SNX30: variants seen among roughly 807,000 people sequenced by gnomAD.
SNX30 encodes sorting nexin-30.
SNX30 carries 24 observed loss-of-function variants against 46.4 expected under a neutral mutation model. The ratio of observed to expected loss-of-function variants is 0.52; its 90% CI spans 0.37 to 0.73. The LOEUF (loss-of-function observed/expected upper bound fraction) is 0.73. Ranked by LOEUF, SNX30 falls within the 30% of genes least tolerant of loss-of-function variation. The pLI is 0.00. For synonymous variants in SNX30, 189 were observed against 211.5 expected (o/e 0.89, Z 0.92); for missense variants, 533 against 555.7 (o/e 0.96, Z 0.41).
chr9:112,832,562 A>G (rs1840681542), intron 4 of SNX30, among the ~76,000 whole-genome samples: 1 of 142,772 alleles, frequency 7.0e-6, no homozygotes, highest in African/African-American at 2.6e-5. Flanking sequence ...CTTAAAAAAT[A>G]TAAGGTCCTT....
At chr9:112,877,852 G>A (rs1243931873), downstream of SNX30, 3 of 152,060 alleles carry the variant, frequency 2.0e-5, no homozygotes, top group Non-Finnish European at 4.4e-5. Context: ...TGAGTAGCTG[G>A]GATTATAGGT....
At chr9:112,862,618 C>T in intron 7 of SNX30, among the ~76,000 whole-genome samples, 1 of 152,140 alleles carries the variant, frequency 6.6e-6, no homozygotes, top group Non-Finnish European at 1.5e-5. Context: ...AAGTCAGTCT[C>T]TGACCTGGTA....
intron 7 of SNX30, among the ~76,000 whole-genome samples, chr9:112,851,609 T>C (rs769184765): frequency 2.9e-4 from 44 of 152,230 alleles, no homozygotes; most frequent in Non-Finnish European, 4.9e-4. Flanking sequence ...ACCTGCTGCC[T>C]AGACAGAGCT....
At chr9:112,768,649 T>TCTTC (rs57756894) in intron 1 of SNX30, among the ~76,000 whole-genome samples, 7,619 of 93,762 alleles carry the variant, frequency 0.081, 1,311 homozygotes, top group Non-Finnish European at 0.1. Context: ...TCTTTCTTCT[T>TCTTC]TTTTTTTTTT....
At chr9:112,793,786 T>A (rs1840062441) in intron 1 of SNX30, among the ~76,000 whole-genome samples, 1 of 150,976 alleles carries the variant, frequency 6.6e-6, no homozygotes. Context: ...CTTGTTCTTT[T>A]TACCTCCACT....
At chr9:112,767,038 A>G (rs1839550029) in intron 1 of SNX30, among the ~76,000 whole-genome samples, 1 of 152,042 alleles carries the variant, frequency 6.6e-6, no homozygotes, top group Admixed American at 6.6e-5. Context: ...ACTGTTTTCC[A>G]AAGCAGTTGC....
chr9:112,805,076 C>A, intron 2 of SNX30, 109 bp downstream of exon 2: 2 of 676,884 alleles, frequency 3.0e-6, no homozygotes, highest in South Asian at 4.0e-5. Context: ...CTCTGTTCAC[C>A]TTGATTGCAA....
intron 6 of SNX30, among the ~76,000 whole-genome samples, chr9:112,847,283 T>C (rs1840953400): frequency 6.6e-6 from 1 of 152,190 alleles, no homozygotes; most frequent in African/African-American, 2.4e-5. Context: ...GTCCCGCGCA[T>C]ATCCCAGCCA....
At chr9:112,791,398 A>ATT (rs1564270543) in intron 1 of SNX30, among the ~76,000 whole-genome samples, 2 of 39,888 alleles carry the variant, frequency 5.0e-5, no homozygotes, top group East Asian at 8.2e-4. Flanking sequence ...ATATTTAGGA[A>ATT]CTTTTTTTTT....
chr9:112,849,685 A>G (rs1382833060), intron 6 of SNX30, among the ~76,000 whole-genome samples: 1 of 152,212 alleles, frequency 6.6e-6, no homozygotes, highest in Non-Finnish European at 1.5e-5. Flanking sequence ...TTCCATTAGA[A>G]GGTTGAACCC....
chr9:112,788,153 A>G (rs1271735903), intron 1 of SNX30, among the ~76,000 whole-genome samples: 2 of 151,914 alleles, frequency 1.3e-5, no homozygotes, highest in African/African-American at 2.4e-5. Context: ...GGCACCTGCT[A>G]TTGGAAGTTG....
intron 3 of SNX30, among the ~76,000 whole-genome samples, chr9:112,827,937 A>C (rs1369773031): frequency 6.6e-6 from 1 of 152,222 alleles, no homozygotes; most frequent in Non-Finnish European, 1.5e-5. Flanking sequence ...TTTTCTAAAG[A>C]GGCTGCATCT....
At chr9:112,831,938 G>A (rs1055062956) in intron 4 of SNX30, among the ~76,000 whole-genome samples, 7 of 152,188 alleles carry the variant, frequency 4.6e-5, no homozygotes, top group African/African-American at 1.7e-4. Flanking sequence ...CAGGCCATAT[G>A]TAACATGTTC....
At chr9:112,804,689 T>C in intron 1 of SNX30, 87 bp from the exon 2 acceptor site, 3 of 1,222,032 alleles carry the variant, frequency 2.5e-6, no homozygotes, top group Non-Finnish European at 3.4e-6. Flanking sequence ...TTTAGAAATG[T>C]TTATTGGTTT....
At chr9:112,827,075 C>A (rs894646041) in intron 3 of SNX30, among the ~76,000 whole-genome samples, 1 of 152,176 alleles carries the variant, frequency 6.6e-6, no homozygotes, top group Non-Finnish European at 1.5e-5. Flanking sequence ...TTTTGGAACT[C>A]CTGCTCTGTC....
At chr9:112,772,373 T>C (rs1839666919) in intron 1 of SNX30, among the ~76,000 whole-genome samples, 1 of 152,244 alleles carries the variant, frequency 6.6e-6, no homozygotes, top group African/African-American at 2.4e-5. Flanking sequence ...TCTCCAGGTG[T>C]GCTGGGAGAC....
intron 8 of SNX30, among the ~76,000 whole-genome samples, chr9:112,867,392 AC>A (rs201887087): frequency 0.014 from 1,346 of 93,072 alleles, 26 homozygotes; most frequent in South Asian, 0.02. Flanking sequence ...AACTCTTCCC[AC>A]CTCCTCAGAA....
At chr9:112,811,455 C>T (rs1159536090) in intron 2 of SNX30, among the ~76,000 whole-genome samples, 1 of 152,078 alleles carries the variant, frequency 6.6e-6, no homozygotes, top group East Asian at 1.9e-4. Context: ...AAGGGGAGAC[C>T]TTATGTGGTA....
At chr9:112,766,951 T>C (rs1255565722) in intron 1 of SNX30, among the ~76,000 whole-genome samples, 1 of 152,216 alleles carries the variant, frequency 6.6e-6, no homozygotes, top group Non-Finnish European at 1.5e-5. Context: ...GACCTTCTTT[T>C]GGATATGGAT....
Sources: allele counts gnomAD v4.1 joint callset (sites outside exome capture counted in the v4.1 genomes callset), GRCh38; gene constraint gnomAD v4.1.1; transcripts MANE v1.5; gene names NCBI Gene and HGNC (gene_info 2026-07-23, HGNC 2026-07-21).